SPAG16: variants seen among roughly 807,000 people sequenced by gnomAD.
SPAG16 encodes sperm associated antigen 16.
SPAG16 carries 86 observed loss-of-function variants against 80.4 expected under a neutral mutation model. The ratio of observed to expected loss-of-function variants is 1.07; its 90% confidence interval spans 0.90 to 1.28. The LOEUF is 1.28. Among genes scored for constraint, SPAG16 ranks in the 50% most tolerant of loss-of-function variants. The probability of loss-of-function intolerance (pLI) is 0.00; values close to 1 mark genes in which losing one functional copy is unlikely to be tolerated. For synonymous variants in SPAG16, 294 were observed against 265.9 expected (o/e 1.11, Z -1.03); for missense variants, 870 against 765.3 (o/e 1.14, Z -1.61).
At chr2:214,361,985 T>TATCTTCTTCTCTTCTGGAG (rs1699216909) in intron 15 of SPAG16, among the ~76,000 whole-genome samples, 1 of 151,966 alleles carries the variant, frequency 6.6e-6, no homozygotes, top group Non-Finnish European at 1.5e-5. Context: ...ATATCTCTGA[T>TATCTTCTTCTCTTCTGGAG]AACTACTTCT....
intron 9 of SPAG16, among the ~76,000 whole-genome samples, chr2:213,414,162 G>A (rs537396996): frequency 1.3e-5 from 2 of 152,266 alleles, no homozygotes; most frequent in African/African-American, 4.8e-5. Context: ...ATGTGCAGTA[G>A]GTAGTCTCCA....
At chr2:213,559,206 T>C (rs1279443718) in intron 10 of SPAG16, among the ~76,000 whole-genome samples, 3 of 152,148 alleles carry the variant, frequency 2.0e-5, no homozygotes, top group African/African-American at 7.2e-5. Flanking sequence ...ATAACAACTG[T>C]CATCCTGAAC....
chr2:213,529,828 T>A (rs2076010015), intron 10 of SPAG16, among the ~76,000 whole-genome samples: 1 of 152,236 alleles, frequency 6.6e-6, no homozygotes, highest in South Asian at 2.1e-4. Flanking sequence ...AAATATTTTC[T>A]TTCTTTATAT....
At chr2:213,904,579 A>C (rs1373534894) in intron 11 of SPAG16, among the ~76,000 whole-genome samples, 1 of 146,022 alleles carries the variant, frequency 6.8e-6, no homozygotes, top group African/African-American at 2.6e-5. Context: ...AAACCATATC[A>C]ATTAATAAGG....
chr2:214,118,359 C>G (rs2125445760), intron 14 of SPAG16, among the ~76,000 whole-genome samples: 1 of 152,264 alleles, frequency 6.6e-6, no homozygotes, highest in East Asian at 1.9e-4. Flanking sequence ...GAAAGATACC[C>G]TGTGATCATG....
intron 15 of SPAG16, among the ~76,000 whole-genome samples, chr2:214,273,426 T>G (rs1692188545): frequency 6.6e-6 from 1 of 152,204 alleles, no homozygotes; most frequent in African/African-American, 2.4e-5. Flanking sequence ...TGGTTTTAGG[T>G]CTAACATTTA....
Position 213,833,326 on chromosome 2 carries a change from T to C in SPAG16, c.1071-29159T>C, listed in dbSNP as rs1450893458. ...ACTGTTTCCTAACATATATAGTGTA[T>C]GAATTGTATTAACCCTGGTATAACC... is the stretch of plus-strand genomic sequence containing the variant. On this transcript the variant is annotated intron_variant, in intron 10 of 15. Coordinates refer to ENST00000331683, the MANE Select transcript of SPAG16 (RefSeq NM_024532.5). 2.8e-5 allele frequency among the ~76,000 whole-genome samples: 4 copies of C among 142,624 alleles called. No homozygotes were observed. The East Asian group carries it at 8.3e-4, about 29-fold the overall frequency. The allele number at this position is 142,624 out of a possible 152,430, so 93.6% of individuals were successfully genotyped here.
chr2:213,309,964 A>G, intron 3 of SPAG16, 95 bp from the exon 4 acceptor site: 1 of 748,034 alleles, frequency 1.3e-6, no homozygotes, highest in Non-Finnish European at 2.2e-6. Context: ...GTTGAAAAAA[A>G]ATGAATGGAT....
At chr2:213,806,052 G>C (rs539800265) in intron 10 of SPAG16, among the ~76,000 whole-genome samples, 38 of 152,248 alleles carry the variant, frequency 2.5e-4, no homozygotes, top group East Asian at 1.4e-3. Flanking sequence ...TAGGTTTTAT[G>C]TATAACTTGA....
chr2:214,276,811 T>G (rs12611857), intron 15 of SPAG16, among the ~76,000 whole-genome samples: 63,289 of 152,040 alleles, frequency 0.42, 15,338 homozygotes, highest in South Asian at 0.58. Flanking sequence ...GGTGTTCTCT[T>G]TATTTCCTGA....
chr2:214,197,191 C>G (rs2057866723), intron 15 of SPAG16, among the ~76,000 whole-genome samples: 1 of 151,840 alleles, frequency 6.6e-6, no homozygotes, highest in African/African-American at 2.4e-5. Flanking sequence ...TATTGACTTG[C>G]AATATTATTT....
At chr2:214,152,288 A>G (rs1026833980) in intron 15 of SPAG16, among the ~76,000 whole-genome samples, 7 of 152,230 alleles carry the variant, frequency 4.6e-5, no homozygotes, top group East Asian at 1.9e-4. Context: ...TTCACAGAGT[A>G]TCATTTTTAA....
At chr2:213,284,873 T>C (rs2061997740) in intron 1 of SPAG16, 1 of 474,312 alleles carries the variant, frequency 2.1e-6, no homozygotes, top group Non-Finnish European at 3.7e-6. Context: ...TCATACTTAG[T>C]AACCACTCAG....
At chr2:213,407,350 G>A (rs1319686125) in intron 9 of SPAG16, among the ~76,000 whole-genome samples, 1 of 152,088 alleles carries the variant, frequency 6.6e-6, no homozygotes, top group Non-Finnish European at 1.5e-5. Flanking sequence ...AGCAAGGCAA[G>A]ACGCCCCCTG....
intron 10 of SPAG16, among the ~76,000 whole-genome samples, chr2:213,722,609 G>T (rs2066578840): frequency 6.6e-6 from 1 of 152,186 alleles, no homozygotes; most frequent in Non-Finnish European, 1.5e-5. Context: ...TGCTGCTAAG[G>T]ATGGTAATAA....
chr2:213,823,185 C>G (rs962255983), intron 10 of SPAG16, among the ~76,000 whole-genome samples: 3 of 152,126 alleles, frequency 2.0e-5, no homozygotes, highest in East Asian at 3.9e-4. Flanking sequence ...TTTACATTCC[C>G]ACCAAAAGTG....
At chr2:214,012,309 TC>T (rs202216193) in intron 12 of SPAG16, among the ~76,000 whole-genome samples, 1,251 of 113,264 alleles carry the variant, frequency 0.011, 129 homozygotes, top group African/African-American at 0.034. Flanking sequence ...TTTTTTTTTT[TC>T]CTCGAGAGGG....
intron 15 of SPAG16, among the ~76,000 whole-genome samples, chr2:214,358,522 A>T (rs917309147): frequency 5.3e-5 from 8 of 151,902 alleles, no homozygotes; most frequent in African/African-American, 1.9e-4. Context: ...GGTTCTCTGG[A>T]CATTTGGTTT....
In SPAG16 at chr2:213,563,720, A is replaced by G. The variant is rs528418062; in HGVS notation, c.1070+73630A>G. Among the ~76,000 whole-genome samples the G allele has an allele frequency of 7.6e-4, 116 of 152,356 alleles. 2 individuals are homozygous for G. The highest frequency in any genetic ancestry group is 1.1e-3 in the Non-Finnish European group (76 of 68,026). On this transcript the variant is annotated intron_variant, in intron 10 of 15. Coordinates refer to ENST00000331683, the MANE Select transcript of SPAG16 (RefSeq NM_024532.5). ...TGTGAATTTTGGAGGAACACAATTC[A>G]GTCCATAGCAGTATATGGTCTTTGT...
Sources: gnomAD v4.1 joint callset for allele counts (sites outside exome capture counted in the v4.1 genomes callset) on GRCh38, gnomAD v4.1.1 for gene constraint, MANE v1.5 for transcripts, NCBI Gene and HGNC (gene_info 2026-07-23, HGNC 2026-07-21) for gene names.